Variants in MYH3 observed in about 807,000 individuals in gnomAD.
The protein encoded by MYH3 is myosin heavy chain 3.
Under a neutral mutation model 238.0 loss-of-function variants are expected in MYH3, and 130 were observed. The observed-to-expected ratio is 0.55, with a 90% CI of 0.47 to 0.63. The LOEUF is 0.63. MYH3 is among the 30% of genes least tolerant of loss of function. MYH3 has a pLI of 0.00. For synonymous variants in MYH3, 880 were observed against 924.1 expected (o/e 0.95, Z 0.86); for missense variants, 1,853 against 2,374.9 (o/e 0.78, Z 4.57).
rs1567554809 is a variant in MYH3, at chr17:10,637,822, C to T, written c.3843G>A (p.Leu1281=). 6.2e-7 allele frequency: 1 copy of T among 1,614,164 alleles called. No homozygotes were observed. The highest frequency in any genetic ancestry group is 8.5e-7 in the Non-Finnish European group (1 of 1,180,042). Residue 1281 remains leucine, a synonymous_variant, in exon 28 of 41, where the codon TTG becomes TTA. Transcript: ENST00000583535. ...LSELTTQKSR[L]QTEAGELSRQ... ...CACGTGGCTTACCAGCCTCGGTCTG[C>T]AAACGAGACTTCTGTGTGGTCAGCT...
At chr17:10,629,812 CCT>C in intron 39 of MYH3, 28 bp downstream of exon 39, 1 of 1,613,958 alleles carries the variant, frequency 6.2e-7, no homozygotes, top group Non-Finnish European at 8.5e-7. Context: ...GCACGGTCTG[CCT>C]GCCGCAGTCA....
In MYH3 at chr17:10,652,454, T is replaced by C. The variant is rs1220881468; in HGVS notation, c.314A>G (p.Asn105Ser). 6.2e-7 allele frequency: 1 copy of C among 1,614,052 alleles called. No individual in the cohort carries two copies. The highest frequency in any genetic ancestry group is 1.7e-5 in the Admixed American group (1 of 60,008). Reference sequence around the variant, plus strand: ...CCAAGATGTGTAACGGTCCTTCAGGTTGTACAGCACGGCTGGCTCATTCAG... The same window carrying C: ...CCAAGATGTGTAACGGTCCTTCAGGCTGTACAGCACGGCTGGCTCATTCAG... ...THLNEPAVLY[N>S]LKDRYTSWMI... is the part of the protein sequence containing the mutation. Residue 105 changes from asparagine (N) to serine (S), a missense_variant, in exon 4 of 41, where the codon AAC (asparagine) becomes AGC (serine). By Grantham distance (46) the Asn-to-Ser change is conservative. Around this residue, in one of 3 missense-constraint regions of MYH3, gnomAD observed 678 missense variants for 1,058.9 expected, o/e 0.64. Transcript: ENST00000583535.
intron 13 of MYH3, 39 bp downstream of exon 13, chr17:10,644,545 G>C: frequency 6.2e-7 from 1 of 1,613,306 alleles, no homozygotes; most frequent in Non-Finnish European, 8.5e-7. Context: ...GAAGTGGCCA[G>C]CAGGGTCCTG....
At chr17:10,657,400 C>G (rs575272478), upstream of MYH3, 1 of 152,216 alleles carries the variant, frequency 6.6e-6, no homozygotes, top group Non-Finnish European at 1.5e-5. Context: ...GATGAGTGGC[C>G]CCCCCAAGCC....
Position 10,650,380 on chromosome 17 carries a change from AG to A in MYH3, c.526del (p.Leu176Ter). On this transcript the variant is annotated frameshift_variant, in exon 6 of 41. Transcript: ENST00000583535. LOFTEE classifies it high-confidence loss of function. The stretch of plus-strand genomic sequence containing the variant: ...CTATGCCATGGATACTTACGTGATC[AG>A]AATGGACTGGTTTTCACGATCTGCC... ...MLTDRENQSILITGESGAGKT... is the reference protein window; with the variant it reads ...MLTDRENQSIXITGESGAGKT... The A allele has an allele frequency of 6.2e-7, 1 of 1,612,654 alleles. No individual in the cohort carries two copies. The highest frequency in any genetic ancestry group is 8.5e-7 in the Non-Finnish European group (1 of 1,178,694).
chr17:10,660,930 A>G (rs568787144), upstream of MYH3, among the ~76,000 whole-genome samples: 1 of 151,742 alleles, frequency 6.6e-6, no homozygotes, highest in Admixed American at 6.5e-5. Context: ...CATTGCAGTA[A>G]GCCGATATTG....
At chr17:10,671,892 G>A in the MYH3 span, among the ~76,000 whole-genome samples, 9 of 152,198 alleles carry the variant, frequency 5.9e-5, no homozygotes, top group East Asian at 1.9e-4. Context: ...GGGAACACCC[G>A]CGCCCAGCCA....
chr17:10,670,470 TG>T, the MYH3 span, among the ~76,000 whole-genome samples: 2 of 152,278 alleles, frequency 1.3e-5, no homozygotes, highest in African/African-American at 4.8e-5. This position sits in a 1 kb window ranked among gnomAD's most constrained non-coding sequence, Gnocchi z 7.0. Flanking sequence ...AAATTTACAG[TG>T]TTTTGTTTGT....
chr17:10,649,624 T>C lies in MYH3; in HGVS notation c.595A>G (p.Ile199Val), dbSNP rs779388217. The C allele has an allele frequency of 9.3e-6, 15 of 1,614,148 alleles. No individual in the cohort carries two copies. Among genetic ancestry groups the C allele is most frequent in the South Asian group, 6.6e-5 (6 of 91,092 alleles). ...TKRVIQYFAT[I>V]AATGDLAKKK... ...TTGGCCAGGTCCCCAGTAGCTGCAA[T>C]TGTTGCAAAGTACTGGATGACCCGT... The change falls in exon 7 of 41, where the codon ATT (isoleucine) becomes GTT (valine). Residue 199 changes from isoleucine (I) to valine (V), a missense_variant. This residue lies in a region of MYH3 where 678 missense variants were observed against 1,058.9 expected (regional missense o/e 0.64). Transcript: ENST00000583535.
chr17:10,675,109 T>C, the MYH3 span: 1 of 152,246 alleles, frequency 6.6e-6, no homozygotes, highest in African/African-American at 2.4e-5. Flanking sequence ...CAACTTTAGG[T>C]CCGTCCTCCA....
At chr17:10,639,956 AG>A (rs1269045651) in intron 22 of MYH3, 39 bp downstream of exon 22, 5 of 1,565,666 alleles carry the variant, frequency 3.2e-6, no homozygotes, top group Middle Eastern at 1.8e-4. Flanking sequence ...AATCAAATCT[AG>A]AAGAGTTAAA....
Position 10,634,935 on chromosome 17 carries a change from T to G in MYH3, c.4261A>C (p.Arg1421=). ...KCASLEKTKQ[R]LQGEVEDLMV... ...AGATCCTCCACCTCTCCTTGCAGCC[T>G]CTGCTTGGTCTTCTCCAGTGAAGCA... is the stretch of plus-strand genomic sequence containing the variant. The change falls in exon 31 of 41, where the codon AGG becomes CGG. Residue 1421 remains arginine, a synonymous_variant. Transcript: ENST00000583535. The G allele has an allele frequency of 3.7e-6, 6 of 1,614,170 alleles. No individual in the cohort carries two copies. Among genetic ancestry groups the G allele is most frequent in the Non-Finnish European group, 5.1e-6 (6 of 1,180,024 alleles).
chr17:10,637,997 G>A lies in MYH3; in HGVS notation c.3729+46C>T, dbSNP rs200041170. On this transcript the variant is annotated intron_variant, in intron 27 of 40. Transcript: ENST00000583535. ...AAAGTCAGGTTTCAATGACCACGGA[G>A]TGTGTCTGATGGAAAGCCTTGAGCC... 17 of 1,614,088 alleles carry A rather than the reference G, an allele frequency of 1.1e-5. No homozygotes were observed. In the East Asian group the frequency reaches 3.6e-4, roughly 34 times the overall value.
rs777408896 is a variant in MYH3 at position 10,632,751 on chromosome 17, G to A, written c.4681C>T (p.Arg1561Ter). 5 of 1,614,114 alleles carry A rather than the reference G, an allele frequency of 3.1e-6. No homozygotes were observed. Among genetic ancestry groups the A allele is most frequent in the Non-Finnish European group, 4.2e-6 (5 of 1,180,034 alleles). Residue 1561 changes from arginine to a stop codon, truncating the protein, a stop_gained, in exon 34 of 41, where the codon CGA becomes TGA. Coordinates refer to ENST00000583535, the MANE Select transcript of MYH3 (RefSeq NM_002470.4). LOFTEE classifies it high-confidence loss of function. ...ALEHEEAKIL[R>*]IQLELTQVKS... ...ACTTGTGTCAATTCAAGCTGGATTC[G>A]GAGGATCTTGGCTTCTTCATGCTCA... is the stretch of plus-strand genomic sequence containing the variant.
rs1344187348 is a variant in MYH3 at position 10,644,499 on chromosome 17, A to G, written c.1262T>C (p.Val421Ala). 2 of 1,614,062 alleles carry G rather than the reference A, an allele frequency of 1.2e-6. No individual in the cohort carries two copies. Among genetic ancestry groups the G allele is most frequent in the Non-Finnish European group, 1.7e-6 (2 of 1,180,000 alleles). ...YVTKGQTVDQVHHAVNALSKS... is the reference protein window; with the variant it reads ...YVTKGQTVDQAHHAVNALSKS... Reference sequence around the variant, plus strand: ...TGAAAGAGCATTCACAGCATGGTGAACCTATCAGGGGAAAGATCAGCTACT... The same window carrying G: ...TGAAAGAGCATTCACAGCATGGTGAGCCTATCAGGGGAAAGATCAGCTACT... The change falls in exon 14 of 41, where the codon GTT becomes GCT. Residue 421 changes from valine (V) to alanine (A), a missense_variant and splice_region_variant. Around this residue, in one of 3 missense-constraint regions of MYH3, gnomAD observed 678 missense variants for 1,058.9 expected, o/e 0.64. Transcript: ENST00000583535.
chr17:10,652,556 A>T lies in MYH3; in HGVS notation c.212T>A (p.Val71Glu). 6.4e-7 allele frequency: 1 copy of T among 1,562,406 alleles called. No individual in the cohort carries two copies. The highest frequency in any genetic ancestry group is 8.7e-7 in the Non-Finnish European group (1 of 1,151,066). The part of the protein sequence containing the change: ...TVETEDNRTL[V>E]VKPEDVYAMN... The stretch of plus-strand genomic sequence containing the variant: ...GGCGTACACATCCTCTGGTTTGACC[A>T]CCAGGGTCTAAAAAGGAAGAGGCAC... Residue 71 changes from valine (V) to glutamate (E), a missense_variant, in exon 4 of 41, where the codon GTG becomes GAG. Val to Glu is a moderately radical substitution (Grantham distance 121). Transcript: ENST00000583535.
chr17:10,636,562 A>G (rs1256035633), intron 28 of MYH3, among the ~76,000 whole-genome samples: 1 of 152,064 alleles, frequency 6.6e-6, no homozygotes, highest in Non-Finnish European at 1.5e-5. Context: ...CATAGAGGTA[A>G]GAGAAAAACA....
chr17:10,654,846 G>A lies in MYH3; in HGVS notation c.204+15C>T. On this transcript the variant is annotated intron_variant, in intron 3 of 40. Coordinates refer to ENST00000583535, the MANE Select transcript of MYH3 (RefSeq NM_002470.4). This position sits in a 1 kb window ranked among gnomAD's most constrained non-coding sequence, Gnocchi z 4.5. ...GGTGGAGGGCCAGCAGCCTGTGGAGGGTACAGAGCCTTACCCTGTTGTCCT... is the reference window on the plus strand; with the variant it reads ...GGTGGAGGGCCAGCAGCCTGTGGAGAGTACAGAGCCTTACCCTGTTGTCCT... The A allele has an allele frequency of 6.2e-7, 1 of 1,612,510 alleles. No homozygotes were observed. Among genetic ancestry groups the A allele is most frequent in the Non-Finnish European group, 8.5e-7 (1 of 1,178,554 alleles).
At chr17:10,636,274 T>C (rs2074214379) in intron 28 of MYH3, among the ~76,000 whole-genome samples, 1 of 118,850 alleles carries the variant, frequency 8.4e-6, no homozygotes, top group Non-Finnish European at 1.7e-5. Flanking sequence ...TGAGCCAAGA[T>C]CATGCCTCAA....
Sources: allele counts gnomAD v4.1 joint callset (sites outside exome capture counted in the v4.1 genomes callset), GRCh38; gene constraint gnomAD v4.1.1; regional missense constraint gnomAD v4.1.1; non-coding constraint Gnocchi (gnomAD v3.1); transcripts MANE v1.5; gene names NCBI Gene and HGNC (gene_info 2026-07-23, HGNC 2026-07-21).